ELOVL6: variants seen among roughly 807,000 people sequenced by gnomAD.
ELOVL6 encodes the protein ELOVL fatty acid elongase 6.
In ELOVL6, 8 loss-of-function variants were observed where a neutral mutation model predicts 31.7. The observed-to-expected ratio is 0.25, with a 90% confidence interval of 0.15 to 0.45. The LOEUF (loss-of-function observed/expected upper bound fraction) is 0.45. ELOVL6 is among the 20% of genes least tolerant of loss of function. The pLI is 1.00. For missense variants in ELOVL6, 126 were observed against 326.4 expected, an observed-to-expected ratio of 0.39 and a Z score of 4.73; for synonymous variants, 101 against 117.7, an observed-to-expected ratio of 0.86 and a Z score of 0.92.
intron 2 of ELOVL6, among the ~76,000 whole-genome samples, chr4:110,095,396 C>T (rs575049515): frequency 1.1e-3 from 163 of 151,140 alleles, no homozygotes; most frequent in Middle Eastern, 3.5e-3. Context: ...GCATGAGAAT[C>T]ACTTGAACCC....
intron 2 of ELOVL6, among the ~76,000 whole-genome samples, chr4:110,104,231 T>C (rs578149658): frequency 1.3e-5 from 2 of 152,288 alleles, no homozygotes; most frequent in South Asian, 4.1e-4. Flanking sequence ...ATCAAAATAC[T>C]TCAGGTGAGG....
At chr4:110,113,632 A>T (rs950313634) in intron 1 of ELOVL6, among the ~76,000 whole-genome samples, 4 of 152,194 alleles carry the variant, frequency 2.6e-5, no homozygotes, top group African/African-American at 9.6e-5. Flanking sequence ...CAAATCTCCC[A>T]TGCCCATCTG....
intron 1 of ELOVL6, among the ~76,000 whole-genome samples, chr4:110,128,840 A>G (rs1207829528): frequency 6.6e-6 from 1 of 152,234 alleles, no homozygotes; most frequent in South Asian, 2.1e-4. Context: ...ACAGTCATCC[A>G]TATTTCCAAC....
chr4:110,076,933 A>G (rs112608077), intron 2 of ELOVL6, among the ~76,000 whole-genome samples: 14,906 of 152,166 alleles, frequency 0.098, 853 homozygotes, highest in East Asian at 0.18. Context: ...ACACTAGGAG[A>G]TTATATCCCG....
chr4:110,141,656 A>T (rs1757960571), intron 1 of ELOVL6, among the ~76,000 whole-genome samples: 2 of 149,048 alleles, frequency 1.3e-5, no homozygotes, highest in African/African-American at 4.9e-5. Context: ...GTATTGTATT[A>T]GTATATATAT....
chr4:110,101,450 G>A (rs1160210819), intron 2 of ELOVL6, among the ~76,000 whole-genome samples: 1 of 150,534 alleles, frequency 6.6e-6, no homozygotes, highest in East Asian at 1.9e-4. Context: ...TTGTGTAGGA[G>A]ATTAGATATG....
chr4:110,085,348 C>T (rs1159569703), intron 2 of ELOVL6, among the ~76,000 whole-genome samples: 1 of 152,178 alleles, frequency 6.6e-6, no homozygotes, highest in Non-Finnish European at 1.5e-5. Context: ...TGAGAGGTTA[C>T]CAGAACACTG....
At chr4:110,194,571 C>A (rs894050291) in intron 1 of ELOVL6, among the ~76,000 whole-genome samples, 1 of 152,144 alleles carries the variant, frequency 6.6e-6, no homozygotes, top group Non-Finnish European at 1.5e-5. Context: ...TTCATTAAAG[C>A]AGCAATAAAC....
intron 1 of ELOVL6, among the ~76,000 whole-genome samples, chr4:110,132,014 C>G (rs1413489214): frequency 6.6e-6 from 1 of 152,136 alleles, no homozygotes; most frequent in African/African-American, 2.4e-5. Context: ...GACACAACCA[C>G]TCAGTGGGGT....
intron 2 of ELOVL6, among the ~76,000 whole-genome samples, chr4:110,067,698 T>C (rs1240419576): frequency 6.6e-6 from 1 of 152,222 alleles, no homozygotes; most frequent in African/African-American, 2.4e-5. Context: ...AGATGCACGA[T>C]TAAGTGAAAA....
At chr4:110,136,518 C>CAACTAGTTTG (rs1757814224) in intron 1 of ELOVL6, among the ~76,000 whole-genome samples, 2 of 152,184 alleles carry the variant, frequency 1.3e-5, no homozygotes, top group Admixed American at 6.5e-5. Flanking sequence ...GCAATCAGCA[C>CAACTAGTTTG]TTCCTTACAA....
chr4:110,069,847 GAGCCCCTGTGGGTCCT>G (rs1755417301), intron 2 of ELOVL6, among the ~76,000 whole-genome samples: 1 of 152,086 alleles, frequency 6.6e-6, no homozygotes, highest in Non-Finnish European at 1.5e-5. Flanking sequence ...CTTGACTTGG[GAGCCCCTGTGGGTCCT>G]AGCTCCCCAG....
intron 1 of ELOVL6, among the ~76,000 whole-genome samples, chr4:110,139,765 C>A (rs1302700353): frequency 5.3e-5 from 8 of 152,154 alleles, no homozygotes; most frequent in East Asian, 1.9e-4. Flanking sequence ...ACAGGTACCA[C>A]CCTCTAACAT....
At chr4:110,143,295 T>C (rs6533497) in intron 1 of ELOVL6, among the ~76,000 whole-genome samples, 125,336 of 151,890 alleles carry the variant, frequency 0.83, 51,961 homozygotes, top group East Asian at 0.9. Flanking sequence ...CTTTACCATA[T>C]GATTTTTAAC....
chr4:110,073,133 G>T (rs1288178044), intron 2 of ELOVL6, among the ~76,000 whole-genome samples: 1 of 152,154 alleles, frequency 6.6e-6, no homozygotes, highest in East Asian at 1.9e-4. Flanking sequence ...CTGCTAGAAT[G>T]TAATGATACA....
intron 2 of ELOVL6, among the ~76,000 whole-genome samples, chr4:110,094,445 T>TATATATATATATATATA (rs1756519913): frequency 1.3e-4 from 6 of 47,374 alleles, no homozygotes; most frequent in Non-Finnish European, 1.4e-4. Flanking sequence ...ATATATATAA[T>TATATATATATATATATA]ATATATAACA....
rs79308992 is a variant in ELOVL6, at chr4:110,081,182, A to C, written c.222-21428T>G. Among the ~76,000 whole-genome samples the C allele has an allele frequency of 2.0e-5, 3 of 151,862 alleles. No individual in the cohort carries two copies. In the South Asian group the frequency reaches 6.3e-4, roughly 32 times the overall value. ...GCCATACTGCCCAAGGTAATTTATA[A>C]ATTCAATGCCATCCCCATCAAGCTA... On this transcript the variant is annotated intron_variant, in intron 2 of 3. Transcript: ENST00000302274.
intron 1 of ELOVL6, among the ~76,000 whole-genome samples, chr4:110,135,978 TCTTAA>T (rs1757798410): frequency 6.6e-6 from 1 of 152,208 alleles, no homozygotes; most frequent in African/African-American, 2.4e-5. Flanking sequence ...AATTTTTGTT[TCTTAA>T]CTTGGATATG....
intron 1 of ELOVL6, among the ~76,000 whole-genome samples, chr4:110,158,444 A>C (rs1758516087): frequency 6.6e-6 from 1 of 151,346 alleles, no homozygotes; most frequent in South Asian, 2.1e-4. Flanking sequence ...AACTCTTAGG[A>C]AGAAAAACTC....
Sources: allele counts gnomAD v4.1 joint callset (sites outside exome capture counted in the v4.1 genomes callset), GRCh38; gene constraint gnomAD v4.1.1; transcripts MANE v1.5; gene names NCBI Gene and HGNC (gene_info 2026-07-23, HGNC 2026-07-21).